Variants in RUSC2 observed in about 807,000 individuals in gnomAD.
RUSC2 encodes the protein RUN and SH3 domain containing 2.
In RUSC2, 34 loss-of-function variants were observed where a neutral mutation model predicts 122.2. The ratio of observed to expected loss-of-function variants is 0.28; its 90% CI spans 0.21 to 0.37. The LOEUF is 0.37. Ranked by LOEUF, RUSC2 falls within the 10% of genes least tolerant of loss-of-function variation. RUSC2 has a pLI of 1.00. For synonymous variants in RUSC2, 784 were observed against 790.0 expected (o/e 0.99, Z 0.13); for missense variants, 1,747 against 1,952.4 (o/e 0.89, Z 1.98).
chr9:35,502,466 C>G (rs1467391802), intron 1 of RUSC2, among the ~76,000 whole-genome samples: 1 of 152,194 alleles, frequency 6.6e-6, no homozygotes, highest in African/African-American at 2.4e-5. Flanking sequence ...TAAGGAAATA[C>G]TTTTAGCTGT....
chr9:35,559,353 A>G, intron 9 of RUSC2, 81 bp downstream of exon 9: 3 of 1,238,898 alleles, frequency 2.4e-6, no homozygotes, highest in South Asian at 1.2e-5. Context: ...CTGTCTTTTC[A>G]TTGCTGGAGG....
chr9:35,512,740 C>T (rs755305859), intron 1 of RUSC2, among the ~76,000 whole-genome samples: 14 of 152,020 alleles, frequency 9.2e-5, no homozygotes, highest in South Asian at 2.1e-4. Context: ...TTCCTCCTCC[C>T]GTCCCTCTTT....
At chr9:35,556,621 G>C (rs748817903) in intron 5 of RUSC2, among the ~76,000 whole-genome samples, 173 bp downstream of exon 5, 18 of 152,150 alleles carry the variant, frequency 1.2e-4, no homozygotes, top group Non-Finnish European at 1.3e-4. Context: ...TCAGGAGTTC[G>C]AGGCCAGCCT....
At chr9:35,530,539 A>G (rs1438313765) in intron 1 of RUSC2, among the ~76,000 whole-genome samples, 1 of 152,204 alleles carries the variant, frequency 6.6e-6, no homozygotes, top group Non-Finnish European at 1.5e-5. Context: ...CAATCCAGAT[A>G]TCTTCCCAGT....
chr9:35,542,599 A>T (rs1247396155), intron 1 of RUSC2, among the ~76,000 whole-genome samples: 1 of 152,228 alleles, frequency 6.6e-6, no homozygotes, highest in Admixed American at 6.5e-5. Context: ...AAAGACTAAC[A>T]ACTCAGGTTA....
intron 1 of RUSC2, among the ~76,000 whole-genome samples, chr9:35,512,819 C>T (rs947260232): frequency 2.3e-4 from 35 of 152,240 alleles, no homozygotes; most frequent in African/African-American, 7.9e-4. Context: ...TCAGCTCAGC[C>T]ACTCCCCAAT....
At chr9:35,506,193 CAA>C (rs1475708377) in intron 1 of RUSC2, among the ~76,000 whole-genome samples, 1 of 152,140 alleles carries the variant, frequency 6.6e-6, no homozygotes, top group Non-Finnish European at 1.5e-5. Context: ...GAAAATATTT[CAA>C]AGTTAGATTG....
At chr9:35,539,927 T>C (rs1039436826) in intron 1 of RUSC2, among the ~76,000 whole-genome samples, 8 of 152,142 alleles carry the variant, frequency 5.3e-5, no homozygotes, top group Admixed American at 3.3e-4. Context: ...AGAAGAGCAA[T>C]TGAAGACCAT....
At position 35,547,414 on chromosome 9, in the gene RUSC2, A is replaced by T; in HGVS notation, c.893A>T (p.Asn298Ile). Residue 298 changes from asparagine (N) to isoleucine (I), a missense_variant, in exon 2 of 12, where the codon AAT becomes ATT. Physicochemically the swap from Asn to Ile is moderately radical, Grantham distance 149. Transcript: ENST00000361226. This position sits in a 1 kb window ranked among gnomAD's most constrained non-coding sequence, Gnocchi z 4.6. ...AAGATGCATGGCACCCCCCGTGCCA[A>T]TCTCAACTCTGCCCCACAGTCCTGC... ...YNKMHGTPRA[N>I]LNSAPQSCSD... The T allele has an allele frequency of 6.2e-7, 1 of 1,614,158 alleles. No individual in the cohort carries two copies. The highest frequency in any genetic ancestry group is 8.5e-7 in the Non-Finnish European group (1 of 1,180,018).
chr9:35,560,838 C>G lies in RUSC2; in HGVS notation c.4198C>G (p.Arg1400Gly). The G allele has an allele frequency of 6.5e-7, 1 of 1,533,598 alleles. No homozygotes were observed. Among genetic ancestry groups the G allele is most frequent in the Non-Finnish European group, 8.8e-7 (1 of 1,142,570 alleles). The allele number at this position is 1,533,598 out of a possible 1,614,324, so 95.0% of individuals were successfully genotyped here. A position where few individuals can be genotyped will look rare whatever the true frequency, so the allele number is the denominator to read the frequency against. ...FGSRKAQREA[R>G]PTNRLPSDWL... ...CTCCCGAAAAGCCCAGCGGGAGGCC[C>G]GGCCCACAAATAGGTGAGAGCCTGC... The change falls in exon 10 of 12, where the codon CGG becomes GGG. Residue 1400 changes from arginine to glycine, a missense_variant. By Grantham distance (125) the Arg-to-Gly change is moderately radical (BLOSUM62 -2). Transcript: ENST00000361226.
At chr9:35,504,489 G>A (rs1587837586) in intron 1 of RUSC2, among the ~76,000 whole-genome samples, 1 of 149,406 alleles carries the variant, frequency 6.7e-6, no homozygotes, top group East Asian at 2.0e-4. Context: ...TTTTGAGACG[G>A]AGTTTCGCTC....
In RUSC2 at chr9:35,546,530, T is replaced by C; in HGVS notation, c.9T>C (p.Ser3=). Reference sequence around the variant, plus strand: ...TATTCGAACTTTCCAGAATGGATAGTCCCCCAAAGCTGACTGGAGAGACCC... The same window carrying C: ...TATTCGAACTTTCCAGAATGGATAGCCCCCCAAAGCTGACTGGAGAGACCC... MD[S]PPKLTGETLI... is the part of the protein sequence containing the mutation. The change falls in exon 2 of 12, where the codon AGT becomes AGC. Residue 3 remains serine (S), a synonymous_variant. Coordinates refer to ENST00000361226, the MANE Select transcript of RUSC2 (RefSeq NM_014806.5). The surrounding 1 kb of genome is among the most constrained non-coding windows in gnomAD (Gnocchi z 4.3). 6.9e-7 allele frequency: 1 copy of C among 1,442,944 alleles called. No individual in the cohort carries two copies. The highest frequency in any genetic ancestry group is 9.1e-7 in the Non-Finnish European group (1 of 1,095,314). The allele number at this position is 1,442,944 out of a possible 1,614,324, so 89.4% of individuals were successfully genotyped here. A position where few individuals can be genotyped will look rare whatever the true frequency, so the allele number is the denominator to read the frequency against.
intron 4 of RUSC2, 27 bp downstream of exon 4, chr9:35,556,164 C>T (rs773224499): frequency 2.5e-6 from 4 of 1,610,320 alleles, no homozygotes; most frequent in East Asian, 4.5e-5. Context: ...CCCAGTACAC[C>T]CGGGGCAGGC....
intron 1 of RUSC2, among the ~76,000 whole-genome samples, chr9:35,537,076 T>C (rs1821543963): frequency 6.6e-6 from 1 of 152,128 alleles, no homozygotes; most frequent in African/African-American, 2.4e-5. Context: ...ATTTGATCTT[T>C]CCTCAAAACC....
intron 1 of RUSC2, 82 bp downstream of exon 1, chr9:35,490,254 G>C (rs939871483): frequency 2.6e-5 from 4 of 152,924 alleles, no homozygotes; most frequent in Non-Finnish European, 4.4e-5. Flanking sequence ...GGGAGGGCCT[G>C]TCTTCCCACC....
intron 1 of RUSC2, among the ~76,000 whole-genome samples, chr9:35,509,768 G>GAA (rs1820980448): frequency 6.6e-6 from 1 of 152,160 alleles, no homozygotes; most frequent in Non-Finnish European, 1.5e-5. Flanking sequence ...TATTATAGTT[G>GAA]TCATTTATTG....
chr9:35,499,334 T>G (rs1820779657), intron 1 of RUSC2, among the ~76,000 whole-genome samples: 1 of 152,148 alleles, frequency 6.6e-6, no homozygotes, highest in Admixed American at 6.5e-5. Flanking sequence ...AAAAGTTAAA[T>G]TATAGCCTAC....
In RUSC2 at chr9:35,529,418, G is replaced by GT. The variant is rs200628766; in HGVS notation, c.-92-17004dup. On this transcript the variant is annotated intron_variant, in intron 1 of 11. Coordinates refer to ENST00000361226, the MANE Select transcript of RUSC2 (RefSeq NM_014806.5). Reference sequence around the variant, plus strand: ...GGGCCTAGTGTAGCCAGTTCTTTTGGTTTTTTTTCAAGCAAAACAAGCTGG... The same window carrying GT: ...GGGCCTAGTGTAGCCAGTTCTTTTGGTTTTTTTTTCAAGCAAAACAAGCTGG... Among the ~76,000 whole-genome samples, 214 of 150,678 alleles carry GT rather than the reference G, an allele frequency of 1.4e-3. 1 individual carries two copies. The highest frequency in any genetic ancestry group is 4.6e-3 in the African/African-American group (189 of 40,996).
chr9:35,513,144 C>G (rs1821039519), intron 1 of RUSC2, among the ~76,000 whole-genome samples: 1 of 152,104 alleles, frequency 6.6e-6, no homozygotes, highest in South Asian at 2.1e-4. Context: ...AGCAGCCATT[C>G]TTAGGTTTTC....
Sources: gnomAD v4.1 joint callset for allele counts (sites outside exome capture counted in the v4.1 genomes callset) on GRCh38, gnomAD v4.1.1 for gene constraint, Gnocchi (gnomAD v3.1) non-coding constraint, MANE v1.5 for transcripts, NCBI Gene and HGNC (gene_info 2026-07-23, HGNC 2026-07-21) for gene names.